Variants in RPS6KA1 observed in about 807,000 individuals in gnomAD.
RPS6KA1 encodes ribosomal protein S6 kinase alpha-1.
Under a neutral mutation model 91.3 loss-of-function variants are expected in RPS6KA1, and 48 were observed. The ratio of observed to expected loss-of-function variants is 0.53; its 90% CI spans 0.42 to 0.67. The LOEUF is 0.67. Among genes scored for constraint, RPS6KA1 ranks in the 30% least tolerant of loss-of-function variants. The pLI is 0.00. For synonymous variants in RPS6KA1, 359 were observed against 384.7 expected (o/e 0.93, Z 0.78); for missense variants, 719 against 960.5 (o/e 0.75, Z 3.32).
intron 17 of RPS6KA1, among the ~76,000 whole-genome samples, chr1:26,566,527 T>A (rs2076203905): frequency 6.6e-6 from 1 of 152,104 alleles, no homozygotes; most frequent in African/African-American, 2.4e-5. Context: ...CCCCAGGTGA[T>A]CCGCCCACCT....
At position 26,557,016 on chromosome 1, in the gene RPS6KA1, A is replaced by C; in HGVS notation, c.1000A>C (p.Ile334Leu). The C allele has an allele frequency of 6.2e-7, 1 of 1,614,042 alleles. No homozygotes were observed. The highest frequency in any genetic ancestry group is 8.5e-7 in the Non-Finnish European group (1 of 1,179,940). Reference protein sequence around the residue: ...IDWNKLYRREIKPPFKPAVAQ... With the variant: ...IDWNKLYRRELKPPFKPAVAQ... Reference sequence around the variant, plus strand: ...TGTGCAGAAGCTATACCGTCGTGAGATCAAGCCACCCTTCAAGCCAGCAGT... The same window carrying C: ...TGTGCAGAAGCTATACCGTCGTGAGCTCAAGCCACCCTTCAAGCCAGCAGT... Residue 334 changes from isoleucine (I) to leucine (L), a missense_variant, in exon 13 of 22, where the codon ATC becomes CTC. Physicochemically the swap from Ile to Leu is conservative, Grantham distance 5. This residue lies in a region of RPS6KA1 where 228 missense variants were observed against 247.6 expected (regional missense o/e 0.92). Coordinates refer to ENST00000374168, the MANE Select transcript of RPS6KA1 (RefSeq NM_002953.4).
At chr1:26,548,614 A>G (rs561524235) in intron 4 of RPS6KA1, among the ~76,000 whole-genome samples, 4 of 152,272 alleles carry the variant, frequency 2.6e-5, no homozygotes, top group East Asian at 1.9e-4. Flanking sequence ...CCTGGCCAAC[A>G]TGGGAAAACC....
intron 17 of RPS6KA1, among the ~76,000 whole-genome samples, chr1:26,570,937 A>G (rs1186421916): frequency 6.6e-6 from 1 of 152,220 alleles, no homozygotes; most frequent in African/African-American, 2.4e-5. Context: ...AGCCTGACCA[A>G]CATGGTGAAA....
chr1:26,568,455 A>T (rs2076222723), intron 17 of RPS6KA1, among the ~76,000 whole-genome samples: 1 of 152,144 alleles, frequency 6.6e-6, no homozygotes, highest in Non-Finnish European at 1.5e-5. Flanking sequence ...AGGAAAAAAG[A>T]TCAACAACTT....
intron 2 of RPS6KA1, chr1:26,543,129 C>A: frequency 6.5e-7 from 1 of 1,535,150 alleles, no homozygotes; most frequent in Admixed American, 2.0e-5. Flanking sequence ...GGAAGAGTAA[C>A]GGGGCCCTCT....
chr1:26,574,305 C>T lies in RPS6KA1; in HGVS notation c.*104C>T, dbSNP rs1227400635. On this transcript the variant is annotated 3_prime_UTR_variant, in exon 22 of 22. Transcript: ENST00000374168. This position sits in a 1 kb window ranked among gnomAD's most constrained non-coding sequence, Gnocchi z 4.3. ...CACAGGGCCAGAGGGAGCTGGAACC[C>T]GAGGGGCCGGGGAAGCTGCCAGCCC... 22 of 1,471,136 alleles carry T rather than the reference C, an allele frequency of 1.5e-5. No homozygotes were observed. Among genetic ancestry groups the T allele is most frequent in the African/African-American group, 2.8e-5 (2 of 72,082 alleles). The allele number at this position is 1,471,136 out of a possible 1,614,324, so 91.1% of individuals were successfully genotyped here. A position where few individuals can be genotyped will look rare whatever the true frequency, so the allele number is the denominator to read the frequency against.
intron 1 of RPS6KA1, among the ~76,000 whole-genome samples, chr1:26,532,274 C>A (rs2075873352): frequency 6.6e-6 from 1 of 152,200 alleles, no homozygotes; most frequent in South Asian, 2.1e-4. Context: ...CAGAGCTTTA[C>A]TATGTGCCAC....
Position 26,574,796 on chromosome 1 carries a change from G to A in RPS6KA1, c.*595G>A, listed in dbSNP as rs2076282012. On this transcript the variant is annotated 3_prime_UTR_variant, in exon 22 of 22. Coordinates refer to ENST00000374168, the MANE Select transcript of RPS6KA1 (RefSeq NM_002953.4). This position sits in a 1 kb window ranked among gnomAD's most constrained non-coding sequence, Gnocchi z 4.3. ...TGCTGGCTTCCAGCTTCAGGCACCA[G>A]CATCCACCTTGGCTCTGCCAGTGGA... is the stretch of plus-strand genomic sequence containing the variant. The A allele has an allele frequency of 3.9e-6, 1 of 255,680 alleles. No individual in the cohort carries two copies. Among genetic ancestry groups the A allele is most frequent in the Non-Finnish European group, 7.9e-6 (1 of 126,818 alleles). The allele number at this position is 255,680 out of a possible 1,614,324, so 15.8% of individuals were successfully genotyped here. A position where few individuals can be genotyped will look rare whatever the true frequency, so the allele number is the denominator to read the frequency against.
At chr1:26,557,718 A>G (rs1231465680) in intron 13 of RPS6KA1, among the ~76,000 whole-genome samples, 2 of 149,836 alleles carry the variant, frequency 1.3e-5, no homozygotes, top group African/African-American at 4.9e-5. Context: ...GAAACCTCCT[A>G]TAAGGGCATG....
chr1:26,545,178 C>T (rs4970486), intron 2 of RPS6KA1, among the ~76,000 whole-genome samples: 113,594 of 148,540 alleles, frequency 0.76, 43,841 homozygotes, highest in African/African-American at 0.88. Context: ...TTTTCTTTTT[C>T]TTTTTTTTTG....
Position 26,551,793 on chromosome 1 carries a change from G to A in RPS6KA1, c.468+70G>A, listed in dbSNP as rs763729536. The A allele has an allele frequency of 1.5e-6, 2 of 1,340,310 alleles. No individual in the cohort carries two copies. Among genetic ancestry groups the A allele is most frequent in the African/African-American group, 1.4e-5 (1 of 69,316 alleles). The allele number at this position is 1,340,310 out of a possible 1,614,324, so 83.0% of individuals were successfully genotyped here. A position where few individuals can be genotyped will look rare whatever the true frequency, so the allele number is the denominator to read the frequency against. On this transcript the variant is annotated intron_variant, in intron 6 of 21. Transcript: ENST00000374168. This position sits in a 1 kb window ranked among gnomAD's most constrained non-coding sequence, Gnocchi z 4.5. ...GGACGACAAGTCCTCCCATCCCAGG[G>A]CCCTGTACAGAATGTGTTTGGTATG...
chr1:26,542,174 A>G (rs2075954022), intron 2 of RPS6KA1, among the ~76,000 whole-genome samples: 1 of 152,162 alleles, frequency 6.6e-6, no homozygotes, highest in South Asian at 2.1e-4. Flanking sequence ...CCCACAAAGT[A>G]GCTACCTCTC....
At chr1:26,564,411 G>A (rs935951199) in intron 17 of RPS6KA1, among the ~76,000 whole-genome samples, 35 of 151,938 alleles carry the variant, frequency 2.3e-4, no homozygotes, top group Middle Eastern at 3.2e-3. Context: ...GGCGCACACC[G>A]CCACACCCAG....
At chr1:26,562,942 C>T (rs1399710732) in intron 17 of RPS6KA1, among the ~76,000 whole-genome samples, 4 of 135,024 alleles carry the variant, frequency 3.0e-5, no homozygotes, top group Admixed American at 1.5e-4. Context: ...GTTCAAGTGA[C>T]TCTCCTGCCT....
chr1:26,560,844 C>T lies in RPS6KA1; in HGVS notation c.1334C>T (p.Ala445Val), dbSNP rs746598191. ...CACAAGGCCACCAACATGGAGTATG[C>T]TGTCAAGGTGGGCCTCCTGACCACG... ...CVHKATNMEY[A>V]VKVIDKSKRD... Residue 445 changes from alanine to valine, a missense_variant, in exon 15 of 22, where the codon GCT becomes GTT. By Grantham distance (64) the Ala-to-Val change is moderately conservative (BLOSUM62 0). Around this residue, in one of 5 missense-constraint regions of RPS6KA1, gnomAD observed 26 missense variants for 69.6 expected, o/e 0.37. Transcript: ENST00000374168. 1.2e-6 allele frequency: 2 copies of T among 1,614,186 alleles called. No homozygotes were observed. Among genetic ancestry groups the T allele is most frequent in the Admixed American group, 3.3e-5 (2 of 60,014 alleles).
At chr1:26,550,912 G>A (rs978621470) in intron 4 of RPS6KA1, among the ~76,000 whole-genome samples, 5 of 152,092 alleles carry the variant, frequency 3.3e-5, no homozygotes, top group East Asian at 3.8e-4. Context: ...CCCATAGATC[G>A]GGATTTTAGG....
At position 26,554,057 on chromosome 1, in the gene RPS6KA1, G is replaced by A. The variant is rs774273727; in HGVS notation, c.576-157G>A. The A allele has an allele frequency of 2.2e-4, 149 of 667,182 alleles. 1 individual carries two copies. Among genetic ancestry groups the A allele is most frequent in the South Asian group, 6.5e-4 (30 of 45,852 alleles). 41.3% of individuals were successfully genotyped at this position (667,182 alleles called of 1,614,324 possible). On this transcript the variant is annotated intron_variant, in intron 7 of 21. Coordinates refer to ENST00000374168, the MANE Select transcript of RPS6KA1 (RefSeq NM_002953.4). This position sits in a 1 kb window ranked among gnomAD's most constrained non-coding sequence, Gnocchi z 4.6. Reference sequence around the variant, plus strand: ...CAAAAAAGATAGGCAACACCCCTGCGTGGTACTGCTACCACCCTGCAACAC... The same window carrying A: ...CAAAAAAGATAGGCAACACCCCTGCATGGTACTGCTACCACCCTGCAACAC...
chr1:26,543,100 G>C, intron 2 of RPS6KA1: 1 of 1,525,762 alleles, frequency 6.6e-7, no homozygotes. Flanking sequence ...GGCCAGGAAG[G>C]CTAAAAAAAG....
Position 26,558,925 on chromosome 1 carries a change from C to T in RPS6KA1, c.1203C>T (p.His401=), listed in dbSNP as rs762136142. Residue 401 remains histidine (H), a synonymous_variant, in exon 14 of 22, where the codon CAC becomes CAT. Coordinates refer to ENST00000374168, the MANE Select transcript of RPS6KA1 (RefSeq NM_002953.4). The surrounding 1 kb of genome is among the most constrained non-coding windows in gnomAD (Gnocchi z 4.0). Reference sequence around the variant, plus strand: ...CTCGTGCCCCGCAGGCACCCCTGCACTCGGTGGTACAGGTGAGGGGGGCAG... The same window carrying T: ...CTCGTGCCCCGCAGGCACCCCTGCATTCGGTGGTACAGGTGAGGGGGGCAG... ...GKPRAPQAPL[H]SVVQQLHGKN... 10 of 1,612,596 alleles carry T rather than the reference C, an allele frequency of 6.2e-6. No homozygotes were observed. The Admixed American group carries it at 8.3e-5, about 13-fold the overall frequency.
Sources: allele counts gnomAD v4.1 joint callset (sites outside exome capture counted in the v4.1 genomes callset), GRCh38; gene constraint gnomAD v4.1.1; regional missense constraint gnomAD v4.1.1; non-coding constraint Gnocchi (gnomAD v3.1); transcripts MANE v1.5; gene names NCBI Gene and HGNC (gene_info 2026-07-23, HGNC 2026-07-21).